Variants in CBFB observed in about 807,000 individuals in gnomAD.
CBFB encodes the protein core-binding factor subunit beta.
In CBFB, 9 loss-of-function variants were observed where a neutral mutation model predicts 30.4. The observed-to-expected ratio is 0.30, with a 90% CI of 0.18 to 0.52. The LOEUF (loss-of-function observed/expected upper bound fraction) is 0.52, where lower values mean the gene tolerates loss of function less well. Ranked by LOEUF, CBFB falls within the 20% of genes least tolerant of loss-of-function variation. The probability of loss-of-function intolerance (pLI) is 0.97; values close to 1 mark genes in which losing one functional copy is unlikely to be tolerated. For synonymous variants in CBFB, 94 were observed against 84.0 expected (o/e 1.12, Z -0.65); for missense variants, 170 against 244.0 (o/e 0.70, Z 2.02).
chr16:67,073,045 C>G (rs1961277604), intron 4 of CBFB, among the ~76,000 whole-genome samples: 1 of 152,146 alleles, frequency 6.6e-6, no homozygotes, highest in Admixed American at 6.5e-5. Context: ...AAAGTGCCCA[C>G]AATATGCTTC....
At chr16:67,068,003 G>A (rs1029932031) in intron 4 of CBFB, among the ~76,000 whole-genome samples, 1 of 152,166 alleles carries the variant, frequency 6.6e-6, no homozygotes, top group Non-Finnish European at 1.5e-5. Flanking sequence ...CTTTTCCCTG[G>A]ATGAACACAA....
In CBFB at chr16:67,067,213, A is replaced by T. The variant is rs920009544; in HGVS notation, c.399+415A>T. On this transcript the variant is annotated intron_variant, in intron 4 of 5. Coordinates refer to ENST00000412916, the MANE Select transcript of CBFB (RefSeq NM_022845.3). The stretch of plus-strand genomic sequence containing the variant: ...TGATAAAACTTGACAAAAATTGTTT[A>T]AAAAAAAAAAAAAAAAGCTGGACGT... 6.3e-3 allele frequency among the ~76,000 whole-genome samples: 834 copies of T among 133,344 alleles called. 4 individuals carry two copies. The highest frequency in any genetic ancestry group is 0.01 in the Non-Finnish European group (648 of 62,610). The allele number at this position is 133,344 out of a possible 152,430, so 87.5% of individuals were successfully genotyped here.
intron 3 of CBFB, among the ~76,000 whole-genome samples, chr16:67,051,983 T>A (rs1296413453): frequency 6.6e-6 from 1 of 151,650 alleles, no homozygotes; most frequent in Middle Eastern, 3.4e-3. Context: ...ATATATATAT[T>A]TTGAGACAAG....
chr16:67,039,362 A>G (rs1258037103), intron 3 of CBFB, among the ~76,000 whole-genome samples: 1 of 152,222 alleles, frequency 6.6e-6, no homozygotes, highest in Non-Finnish European at 1.5e-5. Flanking sequence ...CTTACTTTGA[A>G]TGGAGCTTGC....
At chr16:67,067,993 C>T (rs1338223426) in intron 4 of CBFB, among the ~76,000 whole-genome samples, 2 of 152,200 alleles carry the variant, frequency 1.3e-5, no homozygotes, top group African/African-American at 2.4e-5. Context: ...TTGCATGCTA[C>T]TTTTCCCTGG....
intron 3 of CBFB, among the ~76,000 whole-genome samples, chr16:67,037,314 T>C (rs906725306): frequency 2.0e-5 from 3 of 152,208 alleles, no homozygotes; most frequent in African/African-American, 4.8e-5. Context: ...ACAATTTCTT[T>C]AAAAGTTTGA....
intron 2 of CBFB, among the ~76,000 whole-genome samples, chr16:67,035,914 A>G (rs1288460029): frequency 6.6e-6 from 1 of 152,196 alleles, no homozygotes; most frequent in Non-Finnish European, 1.5e-5. Flanking sequence ...CCTACATAAA[A>G]TGACACTTTA....
chr16:67,033,393 G>T (rs1351066646), intron 2 of CBFB, among the ~76,000 whole-genome samples: 4 of 152,152 alleles, frequency 2.6e-5, no homozygotes, highest in Non-Finnish European at 1.5e-5. Flanking sequence ...TGGCTGGAGT[G>T]CAGTGGTGCC....
At chr16:67,071,938 C>T (rs918118790) in intron 4 of CBFB, among the ~76,000 whole-genome samples, 11 of 152,158 alleles carry the variant, frequency 7.2e-5, no homozygotes, top group Admixed American at 2.0e-4. Flanking sequence ...CCATCTCTAG[C>T]GAGTGAGCCG....
At chr16:67,097,267 C>T (rs774998224) in intron 5 of CBFB, among the ~76,000 whole-genome samples, 45 of 151,768 alleles carry the variant, frequency 3.0e-4, no homozygotes, top group African/African-American at 7.3e-4. Flanking sequence ...GATCTGGGGC[C>T]GGGCGTGGTG....
At chr16:67,036,059 CA>C (rs201720795) in intron 2 of CBFB, among the ~76,000 whole-genome samples, 4,568 of 152,140 alleles carry the variant, frequency 0.03, 75 homozygotes, top group Admixed American at 0.034. Context: ...CTCCTAAAGT[CA>C]AATGTGAGAA....
At chr16:67,062,384 G>A (rs1386716346) in intron 3 of CBFB, among the ~76,000 whole-genome samples, 2 of 151,412 alleles carry the variant, frequency 1.3e-5, no homozygotes, top group African/African-American at 4.8e-5. Context: ...GGCCGGGCTG[G>A]TTTCGAACTC....
At chr16:67,074,818 G>C (rs1961341216) in intron 4 of CBFB, among the ~76,000 whole-genome samples, 1 of 152,160 alleles carries the variant, frequency 6.6e-6, no homozygotes, top group Non-Finnish European at 1.5e-5. Flanking sequence ...ACCAAGAACT[G>C]TTTATCAAAA....
intron 4 of CBFB, among the ~76,000 whole-genome samples, chr16:67,071,977 C>T (rs969559922): frequency 8.5e-5 from 13 of 152,176 alleles, no homozygotes; most frequent in African/African-American, 2.9e-4. Context: ...TGGCCCAACA[C>T]AGCTTTGTTT....
At chr16:67,049,709 A>G (rs1001406180) in intron 3 of CBFB, among the ~76,000 whole-genome samples, 1 of 151,830 alleles carries the variant, frequency 6.6e-6, no homozygotes, top group Non-Finnish European at 1.5e-5. Context: ...GTGGTCTCGA[A>G]CTCCTGGCTG....
chr16:67,063,581 A>G (rs1182831175), intron 3 of CBFB, among the ~76,000 whole-genome samples: 3 of 152,074 alleles, frequency 2.0e-5, no homozygotes, highest in African/African-American at 4.8e-5. Context: ...AGCTGAGACT[A>G]CAGGCACACA....
chr16:67,075,280 A>G (rs1167032722), intron 4 of CBFB, among the ~76,000 whole-genome samples: 1 of 151,714 alleles, frequency 6.6e-6, no homozygotes, highest in Non-Finnish European at 1.5e-5. Flanking sequence ...ATTGAAAGGA[A>G]ACACAGACAA....
intron 2 of CBFB, among the ~76,000 whole-genome samples, chr16:67,031,221 G>C (rs907624832): frequency 6.6e-6 from 1 of 152,206 alleles, no homozygotes; most frequent in Non-Finnish European, 1.5e-5. Flanking sequence ...AGGAGCTCCT[G>C]AATATTTGGT....
At chr16:67,064,982 C>T (rs531150439) in intron 3 of CBFB, among the ~76,000 whole-genome samples, 74 of 152,184 alleles carry the variant, frequency 4.9e-4, no homozygotes, top group Non-Finnish European at 8.5e-4. Context: ...ACTGCAATCT[C>T]TGCCTCCCGA....
Sources: allele counts gnomAD v4.1 joint callset (sites outside exome capture counted in the v4.1 genomes callset), GRCh38; gene constraint gnomAD v4.1.1; transcripts MANE v1.5; gene names NCBI Gene and HGNC (gene_info 2026-07-23, HGNC 2026-07-21).